TTLL8: variants seen among roughly 807,000 people sequenced by gnomAD.
TTLL8 encodes protein monoglycylase TTLL8.
A neutral mutation model predicts 77.8 loss-of-function variants in TTLL8; 65 were observed. The ratio of observed to expected loss-of-function variants is 0.84; its 90% confidence interval spans 0.68 to 1.03. The LOEUF is 1.03. Ranked by LOEUF, TTLL8 falls within the 50% of genes least tolerant of loss-of-function variation. TTLL8 has a pLI of 0.00. For synonymous variants in TTLL8, 402 were observed against 422.8 expected (o/e 0.95, Z 0.60); for missense variants, 910 against 1,004.5 (o/e 0.91, Z 1.27).
chr22:50,055,654 T>TA (rs2061466794), upstream of TTLL8, among the ~76,000 whole-genome samples: 1 of 94,858 alleles, frequency 1.1e-5, no homozygotes, highest in Non-Finnish European at 1.9e-5. Context: ...AAACTCTGTC[T>TA]CAAAAAAAAA....
chr22:50,046,629 CTG>C (rs2061413669), intron 4 of TTLL8, among the ~76,000 whole-genome samples: 1 of 152,250 alleles, frequency 6.6e-6, no homozygotes, highest in Admixed American at 6.5e-5. Context: ...CCGCCCCACA[CTG>C]TGCTGAGGCA....
At chr22:50,027,639 A>G (rs1395591830) in intron 12 of TTLL8, 2 of 985,200 alleles carry the variant, frequency 2.0e-6, no homozygotes, top group African/African-American at 3.5e-5. Context: ...AACAAGCTCC[A>G]AGGGCCAGCA....
At position 50,030,933 on chromosome 22, in the gene TTLL8, G is replaced by T; in HGVS notation, c.1708-8C>A. On this transcript the variant is annotated splice_region_variant and splice_polypyrimidine_tract_variant and intron_variant, in intron 11 of 13. Transcript: ENST00000266182. ...GGGCGGCTCAACCACCGGCTGTGGG[G>T]AAGGAACAGGTTGGGGTGCTGGGCT... 1 of 1,316,070 alleles carries T rather than the reference G, an allele frequency of 7.6e-7. No individual in the cohort carries two copies. Among genetic ancestry groups the T allele is most frequent in the Non-Finnish European group, 1.0e-6 (1 of 1,003,812 alleles). The allele number at this position is 1,316,070 out of a possible 1,614,324, so 81.5% of individuals were successfully genotyped here. A position where few individuals can be genotyped will look rare whatever the true frequency, so the allele number is the denominator to read the frequency against.
At chr22:50,053,038 A>G (rs1238042261) in intron 1 of TTLL8, among the ~76,000 whole-genome samples, 1 of 152,190 alleles carries the variant, frequency 6.6e-6, no homozygotes, top group Non-Finnish European at 1.5e-5. Flanking sequence ...CCTGGCCAAC[A>G]TGGTGAAACC....
chr22:50,034,132 C>G lies in TTLL8; in HGVS notation c.1039+213G>C, dbSNP rs1481547821. Among the ~76,000 whole-genome samples, 1 of 152,242 alleles carries G rather than the reference C, an allele frequency of 6.6e-6. No individual in the cohort carries two copies. ...AGGAAATCCTGATTAACCCATCAACCCGGATCCTGCCCTGTGATCGGAACA... is the reference window on the plus strand; with the variant it reads ...AGGAAATCCTGATTAACCCATCAACGCGGATCCTGCCCTGTGATCGGAACA... On this transcript the variant is annotated intron_variant, in intron 9 of 13. Transcript: ENST00000266182. This position sits in a 1 kb window ranked among gnomAD's most constrained non-coding sequence, Gnocchi z 4.1.
At chr22:50,028,023 T>C (rs1352934473) in intron 12 of TTLL8, among the ~76,000 whole-genome samples, 1 of 151,948 alleles carries the variant, frequency 6.6e-6, no homozygotes, top group African/African-American at 2.4e-5. Context: ...TGGTGGGTGG[T>C]GAGGAAATGT....
chr22:50,046,744 C>T (rs1383677110), intron 4 of TTLL8, among the ~76,000 whole-genome samples: 8 of 152,226 alleles, frequency 5.3e-5, no homozygotes, highest in African/African-American at 1.7e-4. Context: ...GGGCAGGCCT[C>T]AGCCCTGGGC....
intron 8 of TTLL8, among the ~76,000 whole-genome samples, chr22:50,037,110 A>C (rs2061342363): frequency 6.6e-6 from 1 of 152,206 alleles, no homozygotes. Context: ...AAACTGTCAA[A>C]GACTTTTCTA....
chr22:50,019,988 A>G (rs1349027730), intron 12 of TTLL8, among the ~76,000 whole-genome samples: 3 of 152,250 alleles, frequency 2.0e-5, no homozygotes, highest in Non-Finnish European at 4.4e-5. Context: ...TAAAATTAGT[A>G]ACAATCTGAA....
chr22:50,019,571 C>CAAGT (rs1251108374), intron 12 of TTLL8, among the ~76,000 whole-genome samples: 2 of 144,116 alleles, frequency 1.4e-5, no homozygotes, highest in Admixed American at 1.4e-4. Context: ...TGAGGACACT[C>CAAGT]AGCCCTGTGG....
intron 12 of TTLL8, among the ~76,000 whole-genome samples, chr22:50,026,112 A>G (rs1297088503): frequency 6.6e-6 from 1 of 152,246 alleles, no homozygotes; most frequent in Non-Finnish European, 1.5e-5. Context: ...ACAGTCCTAC[A>G]GTGGAAGCAA....
chr22:50,026,304 C>T lies in TTLL8; in HGVS notation c.2203+4126G>A, dbSNP rs574837651. ...AGCCGCCACCCTGCACAGCCGCCACCTCAGAGGGGAGGGTCAGACACAGAA... is the reference window on the plus strand; with the variant it reads ...AGCCGCCACCCTGCACAGCCGCCACTTCAGAGGGGAGGGTCAGACACAGAA... On this transcript the variant is annotated intron_variant, in intron 12 of 13. Coordinates refer to ENST00000266182, the Ensembl canonical transcript of TTLL8. Among the ~76,000 whole-genome samples, 17 of 130,868 alleles carry T rather than the reference C, an allele frequency of 1.3e-4. No homozygotes were observed. The South Asian group carries it at 4.0e-3, about 31-fold the overall frequency. The allele number at this position is 130,868 out of a possible 152,430, so 85.9% of individuals were successfully genotyped here.
upstream of TTLL8, chr22:50,056,963 T>G: frequency 7.8e-7 from 1 of 1,289,566 alleles, no homozygotes; most frequent in Non-Finnish European, 1.0e-6. This position sits in a 1 kb window ranked among gnomAD's most constrained non-coding sequence, Gnocchi z 4.1. Flanking sequence ...TGCCCTTTGC[T>G]CCTCTGACCC....
Position 50,046,869 on chromosome 22 carries a change from C to G in TTLL8, c.393+299G>C, listed in dbSNP as rs191072413. Among the ~76,000 whole-genome samples, 214 of 152,338 alleles carry G rather than the reference C, an allele frequency of 1.4e-3. 4 individuals are homozygous for G. The highest frequency in any genetic ancestry group is 0.012 in the Admixed American group (190 of 15,312). ...TCTTCCCCTGGGGTCCCACAGCCCC[C>G]TCAGCACCCAAAGCCCGGTGGCAGC... On this transcript the variant is annotated intron_variant, in intron 4 of 13. Coordinates refer to ENST00000266182, the Ensembl canonical transcript of TTLL8.
At chr22:50,033,137 C>T (rs2061309556) in intron 10 of TTLL8, 65 bp downstream of exon 11, 3 of 1,278,702 alleles carry the variant, frequency 2.3e-6, no homozygotes, top group African/African-American at 3.0e-5. Context: ...ACTGCGGCTG[C>T]TCCAGGCATG....
chr22:50,022,713 C>T (rs1026565360), intron 12 of TTLL8, among the ~76,000 whole-genome samples: 4 of 152,250 alleles, frequency 2.6e-5, no homozygotes, highest in African/African-American at 7.2e-5. Flanking sequence ...CCTGCCCACT[C>T]TTAACTCTGC....
intron 12 of TTLL8, 131 bp downstream of exon 13, chr22:50,030,299 G>C: frequency 1.8e-6 from 2 of 1,089,664 alleles, no homozygotes; most frequent in Non-Finnish European, 2.2e-6. Context: ...CTCCGTCAGG[G>C]GACACCCCGG....
chr22:50,019,270 G>C (rs1173806715), intron 12 of TTLL8, among the ~76,000 whole-genome samples: 4 of 152,074 alleles, frequency 2.6e-5, no homozygotes. Flanking sequence ...TGAAAACTAA[G>C]GCAAGAACAG....
upstream of TTLL8, among the ~76,000 whole-genome samples, chr22:50,055,805 G>A (rs571626412): frequency 3.3e-5 from 5 of 152,254 alleles, no homozygotes; most frequent in East Asian, 9.6e-4. Context: ...TTGGTCCAAG[G>A]AATGGTGGTA....
Sources: gnomAD v4.1 joint callset for allele counts (sites outside exome capture counted in the v4.1 genomes callset) on GRCh38, gnomAD v4.1.1 for gene constraint, Gnocchi (gnomAD v3.1) non-coding constraint, MANE v1.5 for transcripts, NCBI Gene and HGNC (gene_info 2026-07-23, HGNC 2026-07-21) for gene names.